Variants in ARHGAP22 observed in about 807,000 individuals in gnomAD.
ARHGAP22 encodes the protein Rho GTPase activating protein 22, also known as rho GTPase-activating protein 22.
A neutral mutation model predicts 59.1 loss-of-function variants in ARHGAP22; 48 were observed. The observed-to-expected ratio is 0.81, with a 90% CI of 0.64 to 1.03. The LOEUF (loss-of-function observed/expected upper bound fraction) is 1.03. Among genes scored for constraint, ARHGAP22 ranks in the 50% least tolerant of loss-of-function variants. The pLI, the probability that ARHGAP22 is intolerant of heterozygous loss-of-function variation, is 0.00. For missense variants in ARHGAP22, 1,015 were observed against 958.7 expected (o/e 1.06, Z -0.78); for synonymous variants, 445 against 416.4 (o/e 1.07, Z -0.84).
At chr10:48,628,214 G>A (rs1393368786) in intron 1 of ARHGAP22, among the ~76,000 whole-genome samples, 1 of 152,216 alleles carries the variant, frequency 6.6e-6, no homozygotes, top group African/African-American at 2.4e-5. Flanking sequence ...GTGGCCAGGA[G>A]CATGCTGTGC....
chr10:48,493,476 G>T (rs1463636855), intron 3 of ARHGAP22: 10 of 1,535,952 alleles, frequency 6.5e-6, no homozygotes, highest in African/African-American at 1.4e-5. Flanking sequence ...GACACCTGAT[G>T]GGCCAGAAGG....
At chr10:48,441,827 T>C (rs1183137455), downstream of ARHGAP22, among the ~76,000 whole-genome samples, 1 of 152,172 alleles carries the variant, frequency 6.6e-6, no homozygotes, top group Non-Finnish European at 1.5e-5. Context: ...AGGTGAGTTT[T>C]GTCAAGATGG....
Position 48,548,629 on chromosome 10 carries a change from C to G in ARHGAP22, c.322+6834G>C, listed in dbSNP as rs2077152. On this transcript the variant is annotated intron_variant, in intron 3 of 9. Coordinates refer to ENST00000249601, the MANE Select transcript of ARHGAP22 (RefSeq NM_021226.4). Reference sequence around the variant, plus strand: ...AAAGCAGGCCTCTCCACTCCCCACCCGCTCCTTGTGGATTTAAAGGGAGGC... The same window carrying G: ...AAAGCAGGCCTCTCCACTCCCCACCGGCTCCTTGTGGATTTAAAGGGAGGC... Among the ~76,000 whole-genome samples, 3 of 152,188 alleles carry G rather than the reference C, an allele frequency of 2.0e-5. No homozygotes were observed. In the East Asian group the frequency reaches 5.8e-4, roughly 29 times the overall value.
chr10:48,573,345 G>C (rs1254431672), intron 2 of ARHGAP22, among the ~76,000 whole-genome samples: 1 of 152,188 alleles, frequency 6.6e-6, no homozygotes, highest in Non-Finnish European at 1.5e-5. Context: ...GGCTCAGAGA[G>C]TGAAATATCT....
intron 1 of ARHGAP22, among the ~76,000 whole-genome samples, chr10:48,637,870 G>A (rs1020354432): frequency 1.3e-5 from 2 of 152,186 alleles, no homozygotes; most frequent in Non-Finnish European, 2.9e-5. Flanking sequence ...GCTAAAGCCA[G>A]TAGGCTGGCA....
intron 5 of ARHGAP22, among the ~76,000 whole-genome samples, chr10:48,457,846 G>A (rs894452877): frequency 2.0e-5 from 3 of 152,054 alleles, no homozygotes; most frequent in South Asian, 2.1e-4. Flanking sequence ...CAGCAGGCAG[G>A]CAGGCTATGG....
At chr10:48,596,450 G>T (rs1267938934) in intron 1 of ARHGAP22, among the ~76,000 whole-genome samples, 2 of 152,194 alleles carry the variant, frequency 1.3e-5, no homozygotes, top group Non-Finnish European at 1.5e-5. Context: ...CTGGCTGGAG[G>T]GGGCAGGGAG....
chr10:48,502,939 C>T (rs1253702165), intron 3 of ARHGAP22, among the ~76,000 whole-genome samples: 1 of 152,192 alleles, frequency 6.6e-6, no homozygotes, highest in African/African-American at 2.4e-5. Context: ...ATCCCGGGGG[C>T]CTACTGGGGT....
At chr10:48,601,473 A>T (rs2060378997) in intron 1 of ARHGAP22, among the ~76,000 whole-genome samples, 1 of 152,062 alleles carries the variant, frequency 6.6e-6, no homozygotes, top group African/African-American at 2.4e-5. Context: ...TATTACTTCT[A>T]TGTTTCCAGA....
chr10:48,450,422 G>A lies in ARHGAP22; in HGVS notation c.1707C>T (p.Ser569=), dbSNP rs1468977687. 2.6e-6 allele frequency: 4 copies of A among 1,568,074 alleles called. No homozygotes were observed. The Admixed American group carries it at 5.6e-5, about 22-fold the overall frequency. ...TGGCACCCGCGCCCGCCTCGTCCAT[G>A]CTGTGGTCCAGGTCCAGGGACTTGG... ...EDPKSLDLDH[S]MDEAGAGASN... is the part of the protein sequence containing the mutation. The change falls in exon 9 of 10, where the codon AGC becomes AGT. Residue 569 remains serine (S), a synonymous_variant. Coordinates refer to ENST00000249601, the MANE Select transcript of ARHGAP22 (RefSeq NM_021226.4).
At chr10:48,508,988 CAG>C (rs1222633330) in intron 3 of ARHGAP22, among the ~76,000 whole-genome samples, 2 of 152,238 alleles carry the variant, frequency 1.3e-5, no homozygotes, top group Non-Finnish European at 2.9e-5. Flanking sequence ...TAATGGGAAA[CAG>C]AGGTCTGCCC....
intron 3 of ARHGAP22, among the ~76,000 whole-genome samples, chr10:48,502,088 G>C (rs187740075): frequency 3.9e-4 from 59 of 152,230 alleles, no homozygotes; most frequent in African/African-American, 1.4e-3. Flanking sequence ...CCTGTGTTTT[G>C]AGTACTTTTA....
chr10:48,540,268 C>T (rs1222408715), intron 3 of ARHGAP22, among the ~76,000 whole-genome samples: 1 of 152,212 alleles, frequency 6.6e-6, no homozygotes, highest in African/African-American at 2.4e-5. Flanking sequence ...GCAGCTTTTG[C>T]TCTTGCTGCC....
At position 48,585,013 on chromosome 10, in the gene ARHGAP22, C is replaced by T. The variant is rs1015750992; in HGVS notation, c.35-1861G>A. 3.1e-5 allele frequency among the ~76,000 whole-genome samples: 4 copies of T among 131,006 alleles called. No individual in the cohort carries two copies. In the East Asian group the frequency reaches 9.7e-4, roughly 32 times the overall value. 85.9% of individuals were successfully genotyped at this position (131,006 alleles called of 152,430 possible). A position where few individuals can be genotyped will look rare whatever the true frequency, so the allele number is the denominator to read the frequency against. ...AGTCTCAAAAAAAAAAAAAAAATTA[C>T]ATAGCACTCAGGCACTGTCTGAGGA... On this transcript the variant is annotated intron_variant, in intron 1 of 9. Coordinates refer to ENST00000249601, the MANE Select transcript of ARHGAP22 (RefSeq NM_021226.4).
intron 3 of ARHGAP22, among the ~76,000 whole-genome samples, chr10:48,546,966 C>T (rs572036492): frequency 5.3e-5 from 8 of 152,292 alleles, no homozygotes; most frequent in Admixed American, 2.6e-4. Flanking sequence ...CATTGAGGCA[C>T]GGAGCCCTCT....
At chr10:48,523,810 C>T (rs1224229051) in intron 3 of ARHGAP22, among the ~76,000 whole-genome samples, 2 of 152,082 alleles carry the variant, frequency 1.3e-5, no homozygotes, top group Non-Finnish European at 2.9e-5. Context: ...AGGGGCCGGA[C>T]CCCACCCCCA....
chr10:48,457,324 G>C (rs778650102), intron 5 of ARHGAP22, among the ~76,000 whole-genome samples: 1 of 152,140 alleles, frequency 6.6e-6, no homozygotes, highest in Non-Finnish European at 1.5e-5. Context: ...CACCCCACCT[G>C]GGTGTCCGCA....
chr10:48,635,906 G>A (rs2061797394), intron 1 of ARHGAP22, among the ~76,000 whole-genome samples: 1 of 152,192 alleles, frequency 6.6e-6, no homozygotes, highest in African/African-American at 2.4e-5. Flanking sequence ...CTGTAAAATG[G>A]GAACATTAAT....
chr10:48,480,999 G>C (rs563690820), intron 3 of ARHGAP22, among the ~76,000 whole-genome samples: 5 of 152,374 alleles, frequency 3.3e-5, no homozygotes, highest in Admixed American at 2.0e-4. Context: ...GGGAGGCAGG[G>C]GGAGAGGCCG....
Sources: gnomAD v4.1 joint callset for allele counts (sites outside exome capture counted in the v4.1 genomes callset) on GRCh38, gnomAD v4.1.1 for gene constraint, MANE v1.5 for transcripts, NCBI Gene and HGNC (gene_info 2026-07-23, HGNC 2026-07-21) for gene names.